The following FGGY variants were observed in gnomAD, a reference collection of about 807,000 sequenced individuals.
FGGY encodes the protein FGGY carbohydrate kinase domain containing.
In FGGY, 72 loss-of-function variants were observed where a neutral mutation model predicts 71.3. The observed-to-expected ratio is 1.01, with a 90% CI of 0.84 to 1.23. The LOEUF (loss-of-function observed/expected upper bound fraction) is 1.23, where lower values mean the gene tolerates loss of function less well. Among genes scored for constraint, FGGY ranks in the 50% most tolerant of loss-of-function variants. The pLI, the probability that FGGY is intolerant of heterozygous loss-of-function variation, is 0.00. For synonymous variants in FGGY, 251 were observed against 250.3 expected (o/e 1.00, Z -0.02); for missense variants, 668 against 682.3 (o/e 0.98, Z 0.23).
chr1:59,617,713 G>C lies in FGGY; in HGVS notation c.1012-8275G>C, dbSNP rs114324674. 8.6e-3 allele frequency among the ~76,000 whole-genome samples: 1,304 copies of C among 152,156 alleles called. 23 individuals are homozygous for C. Among genetic ancestry groups the C allele is most frequent in the African/African-American group, 0.03 (1,243 of 41,514 alleles). ...GCCATCACCCTTTCCAGGTGCTCTT[G>C]TTTGTCTCACGTGGAGTGATTTTTA... On this transcript the variant is annotated intron_variant, in intron 9 of 15. Coordinates refer to ENST00000303721, the MANE Select transcript of FGGY (RefSeq NM_018291.5).
intron 5 of FGGY, among the ~76,000 whole-genome samples, chr1:59,394,479 T>C (rs2061081890): frequency 3.3e-5 from 5 of 152,176 alleles, no homozygotes; most frequent in Admixed American, 3.3e-4. Context: ...TTACATACCA[T>C]TTCTGCACTT....
At chr1:59,441,839 G>A (rs1284483668) in intron 5 of FGGY, among the ~76,000 whole-genome samples, 1 of 152,160 alleles carries the variant, frequency 6.6e-6, no homozygotes, top group Non-Finnish European at 1.5e-5. Context: ...GAGTCTTTAG[G>A]AGATCAGTTA....
At chr1:59,301,851 T>A (rs2153078695) in intron 1 of FGGY, among the ~76,000 whole-genome samples, 1 of 151,236 alleles carries the variant, frequency 6.6e-6, no homozygotes, top group East Asian at 1.9e-4. Context: ...GCAGCTGGGA[T>A]TACAGGCACG....
At chr1:59,478,848 G>C (rs1196472589) in intron 6 of FGGY, among the ~76,000 whole-genome samples, 1 of 152,168 alleles carries the variant, frequency 6.6e-6, no homozygotes, top group Admixed American at 6.5e-5. Context: ...TACCTGCCAA[G>C]GGCAGGGAGA....
rs529317316 is a variant in FGGY, at chr1:59,324,042, C to T, written c.201+2292C>T. 5.9e-5 allele frequency among the ~76,000 whole-genome samples: 9 copies of T among 152,294 alleles called. No individual in the cohort carries two copies. In the East Asian group the frequency reaches 7.7e-4, roughly 13 times the overall value. ...ATGTCCTGGTCTGTCTTTTCTTCCTCATGGACTCCAGGAAGTTGAGAGCTT... is the reference window on the plus strand; with the variant it reads ...ATGTCCTGGTCTGTCTTTTCTTCCTTATGGACTCCAGGAAGTTGAGAGCTT... On this transcript the variant is annotated intron_variant, in intron 2 of 15. Transcript: ENST00000303721.
At chr1:59,349,422 T>G (rs1163278350) in intron 4 of FGGY, among the ~76,000 whole-genome samples, 1 of 152,188 alleles carries the variant, frequency 6.6e-6, no homozygotes, top group African/African-American at 2.4e-5. Flanking sequence ...TGTCAGGGCC[T>G]TCTAGAGCAC....
chr1:59,503,399 A>G (rs1005589696), intron 6 of FGGY, among the ~76,000 whole-genome samples: 10 of 151,768 alleles, frequency 6.6e-5, no homozygotes, highest in Admixed American at 5.3e-4. Context: ...CTGACCTACA[A>G]TAGTTACCAG....
chr1:59,334,774 G>T (rs2049146823), intron 2 of FGGY, among the ~76,000 whole-genome samples: 2 of 152,180 alleles, frequency 1.3e-5, no homozygotes, highest in East Asian at 1.9e-4. Context: ...ACTTTTATGG[G>T]ATTTAAAAGG....
At chr1:59,664,495 G>A (rs1305145500) in intron 12 of FGGY, among the ~76,000 whole-genome samples, 2 of 152,120 alleles carry the variant, frequency 1.3e-5, no homozygotes, top group African/African-American at 4.8e-5. Context: ...TCTTGTCTCA[G>A]GCCTGCTAAT....
At chr1:59,592,546 C>A (rs1180763810) in intron 8 of FGGY, among the ~76,000 whole-genome samples, 5 of 152,064 alleles carry the variant, frequency 3.3e-5, no homozygotes, top group Non-Finnish European at 7.3e-5. Context: ...AAATGTCCAA[C>A]AATGATAGAC....
chr1:59,588,735 A>G (rs1006842849), intron 8 of FGGY, among the ~76,000 whole-genome samples: 12 of 152,214 alleles, frequency 7.9e-5, no homozygotes, highest in African/African-American at 2.9e-4. Context: ...AGACAAGCCA[A>G]TGCTGAGAGA....
At chr1:59,554,407 G>T (rs1371802874) in intron 8 of FGGY, among the ~76,000 whole-genome samples, 180 bp downstream of exon 8, 1 of 152,162 alleles carries the variant, frequency 6.6e-6, no homozygotes, top group Non-Finnish European at 1.5e-5. Flanking sequence ...ACATTTGCTG[G>T]ATCTTTTTCC....
intron 14 of FGGY, among the ~76,000 whole-genome samples, chr1:59,698,145 A>G (rs539735232): frequency 1.3e-5 from 2 of 152,256 alleles, no homozygotes; most frequent in African/African-American, 4.8e-5. Context: ...AATGTGATAT[A>G]TGACATTTTG....
At chr1:59,524,928 C>T (rs575403294) in intron 7 of FGGY, among the ~76,000 whole-genome samples, 12 of 152,220 alleles carry the variant, frequency 7.9e-5, no homozygotes, top group African/African-American at 1.9e-4. Context: ...CCGGCTCACT[C>T]GCTACTTTGT....
At chr1:59,747,301 T>C (rs906816996) in intron 14 of FGGY, among the ~76,000 whole-genome samples, 1 of 152,144 alleles carries the variant, frequency 6.6e-6, no homozygotes, top group Admixed American at 6.5e-5. Flanking sequence ...TCCAACTCTT[T>C]TGCAGCCAGG....
intron 4 of FGGY, among the ~76,000 whole-genome samples, chr1:59,371,185 A>G (rs566810201): frequency 1.3e-3 from 192 of 152,336 alleles, no homozygotes; most frequent in Non-Finnish European, 2.0e-3. Flanking sequence ...AGACACACAT[A>G]GGCTCAAAAT....
Position 59,629,885 on chromosome 1 carries a change from C to T in FGGY, c.1073+3836C>T, listed in dbSNP as rs76567595. On this transcript the variant is annotated intron_variant, in intron 10 of 15. Coordinates refer to ENST00000303721, the MANE Select transcript of FGGY (RefSeq NM_018291.5). ...GAAGAGGTAATATATTTGACGGGGC[C>T]TTGTAAACTGAATTGTGACAATAAT... is the stretch of plus-strand genomic sequence containing the variant. Among the ~76,000 whole-genome samples the T allele has an allele frequency of 8.3e-3, 1,258 of 152,258 alleles. 22 individuals are homozygous for T. Among genetic ancestry groups the T allele is most frequent in the African/African-American group, 0.029 (1,199 of 41,558 alleles).
At chr1:59,331,224 G>A (rs2048407540) in intron 2 of FGGY, among the ~76,000 whole-genome samples, 1 of 152,112 alleles carries the variant, frequency 6.6e-6, no homozygotes, top group South Asian at 2.1e-4. Context: ...GCAGAATGTT[G>A]GGGTCACTGA....
chr1:59,603,628 A>G (rs2096597887), intron 8 of FGGY, among the ~76,000 whole-genome samples: 1 of 152,222 alleles, frequency 6.6e-6, no homozygotes, highest in South Asian at 2.1e-4. Flanking sequence ...AAGATCGCCT[A>G]GCTGAGAATT....
Sources: allele counts gnomAD v4.1 joint callset (sites outside exome capture counted in the v4.1 genomes callset), GRCh38; gene constraint gnomAD v4.1.1; transcripts MANE v1.5; gene names NCBI Gene and HGNC (gene_info 2026-07-23, HGNC 2026-07-21).